The following APBB2 variants were observed in gnomAD, a reference collection of about 807,000 sequenced individuals.
The protein encoded by APBB2 is amyloid beta precursor protein binding family B member 2, also known as Fe65-like 1.
In APBB2, 38 loss-of-function variants were observed where a neutral mutation model predicts 82.5. The ratio of observed to expected loss-of-function variants is 0.46; its 90% CI spans 0.36 to 0.60. The LOEUF is 0.60. Among genes scored for constraint, APBB2 ranks in the 20% least tolerant of loss-of-function variants. The pLI, the probability that APBB2 is intolerant of heterozygous loss-of-function variation, is 0.00. For missense variants in APBB2, 772 were observed against 972.3 expected, an observed-to-expected ratio of 0.79 and a Z score of 2.74; for synonymous variants, 341 against 368.2, an observed-to-expected ratio of 0.93 and a Z score of 0.85.
intron 10 of APBB2, among the ~76,000 whole-genome samples, chr4:40,927,368 G>C (rs1782877030): frequency 6.6e-6 from 1 of 152,116 alleles, no homozygotes; most frequent in African/African-American, 2.4e-5. Flanking sequence ...CCAAGAACTA[G>C]TTGTTATCAC....
At chr4:40,850,778 A>C (rs747962) in intron 12 of APBB2, among the ~76,000 whole-genome samples, 126,908 of 151,690 alleles carry the variant, frequency 0.84, 53,454 homozygotes, top group African/African-American at 0.9. Flanking sequence ...CTCAGCTCTA[A>C]AAAAAATTTT....
chr4:41,026,732 A>G (rs1714411909), intron 5 of APBB2, among the ~76,000 whole-genome samples: 1 of 152,208 alleles, frequency 6.6e-6, no homozygotes, highest in Non-Finnish European at 1.5e-5. Flanking sequence ...TTCACTGGTT[A>G]ATGGACATTT....
chr4:40,933,165 T>C (rs1784622619), intron 10 of APBB2, among the ~76,000 whole-genome samples: 1 of 152,104 alleles, frequency 6.6e-6, no homozygotes, highest in Admixed American at 6.5e-5. Context: ...CATCTGGCCG[T>C]TAATGTGTTT....
At chr4:40,961,949 G>C (rs1298900223) in intron 6 of APBB2, among the ~76,000 whole-genome samples, 1 of 152,132 alleles carries the variant, frequency 6.6e-6, no homozygotes, top group African/African-American at 2.4e-5. Flanking sequence ...GCAACATCCA[G>C]TCATTAATCT....
chr4:40,870,551 G>A (rs1219316085), intron 12 of APBB2, among the ~76,000 whole-genome samples: 2 of 152,146 alleles, frequency 1.3e-5, no homozygotes, highest in Admixed American at 6.5e-5. Context: ...GTACCACCTA[G>A]AGGAGAGACA....
chr4:41,050,290 A>G (rs1560617460), intron 4 of APBB2, among the ~76,000 whole-genome samples: 1 of 152,202 alleles, frequency 6.6e-6, no homozygotes, highest in Admixed American at 6.5e-5. Context: ...GAACAAGGAG[A>G]TAAGAGAGAT....
chr4:41,160,492 A>C (rs932953902), intron 1 of APBB2, among the ~76,000 whole-genome samples: 1 of 152,186 alleles, frequency 6.6e-6, no homozygotes. Context: ...CAGCAGACAT[A>C]ACCAGCAGTT....
chr4:40,851,038 C>T (rs555461222), intron 12 of APBB2, among the ~76,000 whole-genome samples: 17 of 152,232 alleles, frequency 1.1e-4, no homozygotes, highest in Admixed American at 3.3e-4. Context: ...GTGCAACATA[C>T]GATGTGGACA....
At chr4:40,899,764 G>C (rs1203303420) in intron 10 of APBB2, among the ~76,000 whole-genome samples, 2 of 152,058 alleles carry the variant, frequency 1.3e-5, no homozygotes, top group Admixed American at 6.5e-5. Context: ...TCCTTTCTCT[G>C]GGCTTTAATG....
intron 2 of APBB2, among the ~76,000 whole-genome samples, chr4:41,105,016 C>A (rs1361388604): frequency 6.6e-6 from 1 of 152,206 alleles, no homozygotes; most frequent in Non-Finnish European, 1.5e-5. Flanking sequence ...CATACCTGCA[C>A]ACCCAGTAAC....
At chr4:41,113,196 A>G (rs1749816585) in intron 2 of APBB2, among the ~76,000 whole-genome samples, 2 of 152,242 alleles carry the variant, frequency 1.3e-5, no homozygotes, top group Admixed American at 1.3e-4. Context: ...ACCTGATGAG[A>G]GAAAAAATAT....
chr4:41,020,353 A>G (rs1181499804), intron 5 of APBB2, among the ~76,000 whole-genome samples: 1 of 152,236 alleles, frequency 6.6e-6, no homozygotes, highest in Non-Finnish European at 1.5e-5. Context: ...AGGACAGGAC[A>G]ATAGATGGTT....
At chr4:41,136,056 T>C (rs1283469148) in intron 2 of APBB2, among the ~76,000 whole-genome samples, 1 of 152,182 alleles carries the variant, frequency 6.6e-6, no homozygotes, top group Non-Finnish European at 1.5e-5. Context: ...CAAATGATCA[T>C]AAATAGGCCA....
intron 2 of APBB2, among the ~76,000 whole-genome samples, chr4:41,115,387 A>T (rs900599098): frequency 7.9e-5 from 12 of 152,234 alleles, no homozygotes; most frequent in Non-Finnish European, 1.0e-4. Flanking sequence ...AAACCTAGAG[A>T]ATACCATTCA....
chr4:40,916,694 AACTAGAAACTATTCTGAGAGCGAGCATG>A (rs1779922560), intron 10 of APBB2, among the ~76,000 whole-genome samples: 1 of 152,194 alleles, frequency 6.6e-6, no homozygotes, highest in Non-Finnish European at 1.5e-5. Flanking sequence ...GAGGTCCAGA[AACTAGAAACTATTCTGAGAGCGAGCATG>A]ACTGACCGAC....
chr4:40,908,646 G>A (rs569487652), intron 10 of APBB2, among the ~76,000 whole-genome samples: 2 of 152,186 alleles, frequency 1.3e-5, no homozygotes, highest in South Asian at 2.1e-4. Flanking sequence ...AAGAGGCCCC[G>A]AAGAATTCAA....
chr4:41,151,563 T>C (rs763369975), intron 1 of APBB2, among the ~76,000 whole-genome samples: 14 of 152,258 alleles, frequency 9.2e-5, no homozygotes, highest in Non-Finnish European at 1.5e-4. Context: ...AAAGATCTTC[T>C]GTGGTAAAAT....
chr4:41,142,873 A>C (rs557865626), intron 2 of APBB2, 114 bp downstream of exon 2: 1 of 152,314 alleles, frequency 6.6e-6, no homozygotes, highest in East Asian at 1.9e-4. Context: ...GACTCTCACA[A>C]ATAACTGAAA....
chr4:41,211,800 A>C (rs116485889), intron 1 of APBB2, among the ~76,000 whole-genome samples: 200 of 152,276 alleles, frequency 1.3e-3, no homozygotes, highest in African/African-American at 4.6e-3. Flanking sequence ...TCTATTTTTA[A>C]AATGAAATTG....
Sources: allele counts gnomAD v4.1 joint callset (sites outside exome capture counted in the v4.1 genomes callset), GRCh38; gene constraint gnomAD v4.1.1; transcripts MANE v1.5; gene names NCBI Gene and HGNC (gene_info 2026-07-23, HGNC 2026-07-21).